The following RCN3 variants were observed in gnomAD, a reference collection of about 807,000 sequenced individuals.
The protein encoded by RCN3 is reticulocalbin-3.
Under a neutral mutation model 35.9 loss-of-function variants are expected in RCN3, and 41 were observed. The ratio of observed to expected loss-of-function variants is 1.14; its 90% CI spans 0.89 to 1.48. The LOEUF (loss-of-function observed/expected upper bound fraction) is 1.48. Ranked by LOEUF, RCN3 falls within the 40% of genes most tolerant of loss-of-function variation. The probability of loss-of-function intolerance (pLI) is 0.00; values close to 1 mark genes in which losing one functional copy is unlikely to be tolerated. For synonymous variants in RCN3, 187 were observed against 193.4 expected (o/e 0.97, Z 0.27); for missense variants, 451 against 471.3 (o/e 0.96, Z 0.40).
At position 49,534,412 on chromosome 19, in the gene RCN3, C is replaced by T. The variant is rs564241000; in HGVS notation, c.445+17C>T. The T allele has an allele frequency of 2.0e-6, 3 of 1,536,566 alleles. No individual in the cohort carries two copies. The highest frequency in any genetic ancestry group is 2.0e-5 in the Admixed American group (1 of 50,666). Reference sequence around the variant, plus strand: ...ACGCGCCCGGTACGCGGCGAGCCCCCGACCCTGCTCCCCATACACCGTGAC... The same window carrying T: ...ACGCGCCCGGTACGCGGCGAGCCCCTGACCCTGCTCCCCATACACCGTGAC... On this transcript the variant is annotated intron_variant, in intron 3 of 6. Transcript: ENST00000270645.
At chr19:49,528,407 C>T in intron 1 of RCN3, 60 bp from the exon 2 acceptor site, 1 of 1,424,988 alleles carries the variant, frequency 7.0e-7, no homozygotes, top group Non-Finnish European at 9.2e-7. Flanking sequence ...CGCCATTCTC[C>T]TATCCCGTGT....
At chr19:49,530,567 G>T (rs1568708020) in intron 2 of RCN3, among the ~76,000 whole-genome samples, 1 of 148,284 alleles carries the variant, frequency 6.7e-6, no homozygotes, top group African/African-American at 2.5e-5. Context: ...CGCAATCTCG[G>T]CTCACCACAA....
chr19:49,536,905 C>T (rs974801723), intron 3 of RCN3, 128 bp from the exon 4 acceptor site: 1 of 815,952 alleles, frequency 1.2e-6, no homozygotes, highest in Non-Finnish European at 1.8e-6. Context: ...TGCATCCAGC[C>T]TACTGATATA....
At position 49,537,197 on chromosome 19, in the gene RCN3, G is replaced by T. The variant is rs150923639; in HGVS notation, c.610G>T (p.Val204Leu). 1.3e-5 allele frequency: 20 copies of T among 1,516,398 alleles called. No homozygotes were observed. The South Asian group carries it at 2.5e-4, about 19-fold the overall frequency. The allele number at this position is 1,516,398 out of a possible 1,614,324, so 93.9% of individuals were successfully genotyped here. A position where few individuals can be genotyped will look rare whatever the true frequency, so the allele number is the denominator to read the frequency against. The part of the protein sequence containing the change: ...PEEFPHMRDI[V>L]IAETLEDLDR... Reference sequence around the variant, plus strand: ...GGAGTTCCCTCACATGCGGGACATCGTGATTGCTGTGAGTGGCGGCTGGGG... The same window carrying T: ...GGAGTTCCCTCACATGCGGGACATCTTGATTGCTGTGAGTGGCGGCTGGGG... Residue 204 changes from valine to leucine, a missense_variant, in exon 4 of 7, where the codon GTG becomes TTG. Transcript: ENST00000270645.
chr19:49,528,419 T>A, intron 1 of RCN3, 48 bp from the exon 2 acceptor site: 1 of 1,439,628 alleles, frequency 6.9e-7, no homozygotes, highest in Non-Finnish European at 9.2e-7. Context: ...ATCCCGTGTC[T>A]GTCCCCATCC....
chr19:49,532,576 G>A, intron 2 of RCN3, among the ~76,000 whole-genome samples: 2 of 152,130 alleles, frequency 1.3e-5, no homozygotes, highest in Admixed American at 1.3e-4. Context: ...GTTTCACCAT[G>A]TTGGCCAGGC....
intron 3 of RCN3, among the ~76,000 whole-genome samples, chr19:49,535,965 A>G (rs1051555683): frequency 2.1e-4 from 31 of 148,572 alleles, no homozygotes; most frequent in Non-Finnish European, 4.2e-4. Flanking sequence ...TATATATACA[A>G]ATTATATATA....
chr19:49,541,752 C>T (rs2080163732), intron 5 of RCN3, among the ~76,000 whole-genome samples: 1 of 150,888 alleles, frequency 6.6e-6, no homozygotes, highest in African/African-American at 2.4e-5. Context: ...GAGACTGAGG[C>T]AGGTGGATCA....
intron 2 of RCN3, among the ~76,000 whole-genome samples, chr19:49,529,058 G>A (rs1273784501): frequency 6.6e-6 from 1 of 152,100 alleles, no homozygotes; most frequent in East Asian, 1.9e-4. Context: ...GTGGGCACCT[G>A]TAATCCCAGC....
At chr19:49,539,500 T>C (rs983711923) in intron 5 of RCN3, among the ~76,000 whole-genome samples, 7 of 148,750 alleles carry the variant, frequency 4.7e-5, no homozygotes, top group Admixed American at 2.6e-4. Flanking sequence ...GGTCTGGAGT[T>C]TCTACAAAAT....
intron 5 of RCN3, 91 bp from the exon 6 acceptor site, chr19:49,542,462 G>T: frequency 1.1e-6 from 1 of 913,398 alleles, no homozygotes; most frequent in Non-Finnish European, 1.7e-6. Flanking sequence ...CAAGGGCCTG[G>T]TTCAGGAAGT....
chr19:49,531,558 G>T (rs2080108187), intron 2 of RCN3, among the ~76,000 whole-genome samples: 1 of 152,182 alleles, frequency 6.6e-6, no homozygotes, highest in Non-Finnish European at 1.5e-5. Context: ...AGACTGTAGG[G>T]AGCAAGAAGC....
At chr19:49,532,698 C>T (rs558432458) in intron 2 of RCN3, among the ~76,000 whole-genome samples, 101 of 147,930 alleles carry the variant, frequency 6.8e-4, no homozygotes, top group African/African-American at 1.8e-3. Context: ...TTATTTGAGA[C>T]GGAGTCTCGC....
In RCN3 at chr19:49,538,660, C is replaced by T. The variant is rs550557996; in HGVS notation, c.619-459C>T. Among the ~76,000 whole-genome samples, 11 of 152,222 alleles carry T rather than the reference C, an allele frequency of 7.2e-5. No homozygotes were observed. The East Asian group carries it at 7.7e-4, about 11-fold the overall frequency. On this transcript the variant is annotated intron_variant, in intron 4 of 6. Coordinates refer to ENST00000270645, the MANE Select transcript of RCN3 (RefSeq NM_020650.3). ...TGGATATAAATTGGGGAACAAAAGT[C>T]GTTTTGCTCCAGAAGGGCACAAAAA...
At chr19:49,535,650 G>A (rs1304116325) in intron 3 of RCN3, among the ~76,000 whole-genome samples, 3 of 151,984 alleles carry the variant, frequency 2.0e-5, no homozygotes, top group Admixed American at 2.0e-4. Context: ...TCAGAAGTTA[G>A]AGACCAGCCT....
At chr19:49,534,098 C>T (rs2080122131) in intron 2 of RCN3, 95 bp from the exon 3 acceptor site, 1 of 1,231,342 alleles carries the variant, frequency 8.1e-7, no homozygotes, top group African/African-American at 1.6e-5. Flanking sequence ...TATTTTCAGC[C>T]CCGGATCCGA....
chr19:49,532,673 C>T (rs986962459), intron 2 of RCN3, among the ~76,000 whole-genome samples: 3 of 145,578 alleles, frequency 2.1e-5, no homozygotes, highest in African/African-American at 7.7e-5. Flanking sequence ...CGTGCCCGGC[C>T]TATTATTGTT....
chr19:49,535,859 AAAATATATAT>A (rs1213021254), intron 3 of RCN3, among the ~76,000 whole-genome samples: 1 of 137,226 alleles, frequency 7.3e-6, no homozygotes, highest in African/African-American at 2.9e-5. Context: ...CAAAAAAAAA[AAAATATATAT>A]ATATATAGAT....
At chr19:49,532,166 C>T (rs1474904640) in intron 2 of RCN3, among the ~76,000 whole-genome samples, 29 of 135,720 alleles carry the variant, frequency 2.1e-4, no homozygotes, top group African/African-American at 8.0e-4. Context: ...AGTGCAACGG[C>T]GCGATCTCGG....
Sources: allele counts gnomAD v4.1 joint callset (sites outside exome capture counted in the v4.1 genomes callset), GRCh38; gene constraint gnomAD v4.1.1; transcripts MANE v1.5; gene names NCBI Gene and HGNC (gene_info 2026-07-23, HGNC 2026-07-21).